Variants in UBE4B observed in about 807,000 individuals in gnomAD.
UBE4B encodes the protein ubiquitination factor E4B, also known as ubiquitin conjugation factor E4 B.
Under a neutral mutation model 148.1 loss-of-function variants are expected in UBE4B, and 27 were observed. The observed-to-expected ratio is 0.18, with a 90% CI of 0.13 to 0.25. The LOEUF (loss-of-function observed/expected upper bound fraction) is 0.25. Among genes scored for constraint, UBE4B ranks in the 10% least tolerant of loss-of-function variants. The pLI is 1.00. For synonymous variants in UBE4B, 596 were observed against 619.3 expected (o/e 0.96, Z 0.56); for missense variants, 1,170 against 1,662.4 (o/e 0.70, Z 5.15).
chr1:10,106,432 A>C lies in UBE4B; in HGVS notation c.1045A>C (p.Ser349Arg), dbSNP rs1322873106. ...GTCCTCAGGCGTCTCCATTCTGTCG[A>C]GCTCCCCAAGTCCCCCTGCCCTCGC... is the stretch of plus-strand genomic sequence containing the variant. ...WASSGVSILS[S>R]SPSPPALASS... The change falls in exon 7 of 28, where the codon AGC becomes CGC. Residue 349 changes from serine (S) to arginine (R), a missense_variant. Around this residue, in one of 6 missense-constraint regions of UBE4B, gnomAD observed 214 missense variants for 209.1 expected, o/e 1.02. Coordinates refer to ENST00000343090, the MANE Select transcript of UBE4B (RefSeq NM_001105562.3). This position sits in a 1 kb window ranked among gnomAD's most constrained non-coding sequence, Gnocchi z 4.2. The C allele has an allele frequency of 1.2e-6, 2 of 1,613,536 alleles. No homozygotes were observed. Among genetic ancestry groups the C allele is most frequent in the Middle Eastern group, 1.7e-4 (1 of 6,056 alleles).
At chr1:10,046,410 A>C (rs1643912729) in intron 1 of UBE4B, among the ~76,000 whole-genome samples, 1 of 152,178 alleles carries the variant, frequency 6.6e-6, no homozygotes, top group Admixed American at 6.6e-5. Context: ...CAAAGTTATC[A>C]GGGGCTCTGC....
intron 14 of UBE4B, among the ~76,000 whole-genome samples, chr1:10,131,694 A>T (rs1173127001): frequency 6.6e-6 from 1 of 152,046 alleles, no homozygotes; most frequent in Non-Finnish European, 1.5e-5. Context: ...AAACCTCGTC[A>T]CTGCTAAAAA....
intron 17 of UBE4B, among the ~76,000 whole-genome samples, chr1:10,144,113 G>T (rs977342008): frequency 1.3e-5 from 2 of 152,146 alleles, no homozygotes; most frequent in Non-Finnish European, 2.9e-5. Context: ...AGCCTATTAG[G>T]TGATGGGGAA....
At chr1:10,162,624 T>A (rs1646183207) in intron 23 of UBE4B, among the ~76,000 whole-genome samples, 1 of 150,406 alleles carries the variant, frequency 6.6e-6, no homozygotes, top group Non-Finnish European at 1.5e-5. Flanking sequence ...TTTTTTTTTT[T>A]CTTTTTTAAT....
At chr1:10,172,057 C>T (rs974836251) in intron 25 of UBE4B, among the ~76,000 whole-genome samples, 1 of 152,166 alleles carries the variant, frequency 6.6e-6, no homozygotes, top group African/African-American at 2.4e-5. Flanking sequence ...CTTTCCTAGT[C>T]TCCTGCTAGA....
chr1:10,158,527 C>A, intron 22 of UBE4B, 45 bp downstream of exon 22: 1 of 1,598,998 alleles, frequency 6.3e-7, no homozygotes, highest in South Asian at 1.1e-5. Context: ...TCTTGCAAAT[C>A]GCAGGTAGGA....
At chr1:10,129,687 C>A (rs752758580) in intron 12 of UBE4B, among the ~76,000 whole-genome samples, 1 of 152,108 alleles carries the variant, frequency 6.6e-6, no homozygotes, top group Non-Finnish European at 1.5e-5. Context: ...CACTCTGTCA[C>A]CCAGGCTGGA....
At chr1:10,118,731 C>T (rs892209283) in intron 8 of UBE4B, among the ~76,000 whole-genome samples, 2 of 151,358 alleles carry the variant, frequency 1.3e-5, no homozygotes, top group Non-Finnish European at 2.9e-5. Context: ...CTCTAACTCC[C>T]GACCTCATGT....
chr1:10,161,534 T>C lies in UBE4B; in HGVS notation c.3198+248T>C, dbSNP rs970134313. Among the ~76,000 whole-genome samples the C allele has an allele frequency of 2.0e-5, 3 of 152,230 alleles. No individual in the cohort carries two copies. The highest frequency in any genetic ancestry group is 2.9e-5 in the Non-Finnish European group (2 of 68,046). Reference sequence around the variant, plus strand: ...AAAACTTTCTCTGCCTTTTTAATTTTAAAGGGCTTTTTTGGAGATGAGCTT... The same window carrying C: ...AAAACTTTCTCTGCCTTTTTAATTTCAAAGGGCTTTTTTGGAGATGAGCTT... On this transcript the variant is annotated intron_variant, in intron 23 of 27. Coordinates refer to ENST00000343090, the MANE Select transcript of UBE4B (RefSeq NM_001105562.3). This position sits in a 1 kb window ranked among gnomAD's most constrained non-coding sequence, Gnocchi z 4.1.
chr1:10,180,216 A>T lies in UBE4B; in HGVS notation c.*260A>T. 1.9e-6 allele frequency: 1 copy of T among 516,904 alleles called. No homozygotes were observed. The highest frequency in any genetic ancestry group is 3.4e-6 in the Non-Finnish European group (1 of 290,754). The allele number at this position is 516,904 out of a possible 1,614,324, so 32.0% of individuals were successfully genotyped here. On this transcript the variant is annotated 3_prime_UTR_variant, in exon 28 of 28. Coordinates refer to ENST00000343090, the MANE Select transcript of UBE4B (RefSeq NM_001105562.3). ...TTTATGGTTGCTTGTGTAATAAAGC[A>T]TGTCCTTCGTATGTCACAGTTTGGG...
At chr1:10,053,949 A>G (rs1314366915) in intron 1 of UBE4B, among the ~76,000 whole-genome samples, 1 of 152,160 alleles carries the variant, frequency 6.6e-6, no homozygotes, top group East Asian at 1.9e-4. Context: ...GGCCTCCCAA[A>G]GTGCTGGGAT....
At chr1:10,177,291 G>A (rs1328321948) in intron 25 of UBE4B, among the ~76,000 whole-genome samples, 2 of 151,760 alleles carry the variant, frequency 1.3e-5, no homozygotes, top group Non-Finnish European at 2.9e-5. Flanking sequence ...AGGCCAAGGT[G>A]GGCAGATCAC....
intron 14 of UBE4B, 78 bp downstream of exon 14, chr1:10,130,891 A>G (rs1480171362): frequency 7.7e-7 from 1 of 1,292,656 alleles, no homozygotes; most frequent in Non-Finnish European, 1.1e-6. Context: ...TGTAGACTGG[A>G]CTATGCCCAG....
intron 10 of UBE4B, among the ~76,000 whole-genome samples, chr1:10,126,286 C>T (rs1645492340): frequency 1.3e-5 from 2 of 150,156 alleles, no homozygotes; most frequent in African/African-American, 2.5e-5. Context: ...GGTGACAGAG[C>T]GAGACTCCGT....
At chr1:10,041,409 AC>A (rs1236713740) in intron 1 of UBE4B, among the ~76,000 whole-genome samples, 1 of 144,372 alleles carries the variant, frequency 6.9e-6, no homozygotes, top group African/African-American at 2.6e-5. Context: ...ATCTCGGCTC[AC>A]TGCAACCTCT....
chr1:10,175,376 G>T (rs1053526282), intron 25 of UBE4B, among the ~76,000 whole-genome samples: 1 of 152,142 alleles, frequency 6.6e-6, no homozygotes, highest in Admixed American at 6.6e-5. Flanking sequence ...AAATAGCCGG[G>T]TGCAGTGGCT....
intron 2 of UBE4B, among the ~76,000 whole-genome samples, chr1:10,093,873 T>G (rs114110191): frequency 0.012 from 1,765 of 152,044 alleles, 30 homozygotes; most frequent in African/African-American, 0.04. Flanking sequence ...TTTTGTATTT[T>G]AACTAGAAAC....
chr1:10,112,584 G>T (rs934108959), intron 7 of UBE4B, among the ~76,000 whole-genome samples: 10 of 152,118 alleles, frequency 6.6e-5, no homozygotes, highest in Admixed American at 6.5e-4. Flanking sequence ...ATTTTTAGTA[G>T]AGACAGGATT....
intron 24 of UBE4B, among the ~76,000 whole-genome samples, chr1:10,169,843 C>T (rs1199281170): frequency 1.3e-5 from 2 of 152,106 alleles, no homozygotes; most frequent in African/African-American, 4.8e-5. Context: ...GGCGAAACCC[C>T]GTCTCTACTA....
Sources: gnomAD v4.1 joint callset for allele counts (sites outside exome capture counted in the v4.1 genomes callset) on GRCh38, gnomAD v4.1.1 for gene constraint, gnomAD v4.1.1 regional missense constraint, Gnocchi (gnomAD v3.1) non-coding constraint, MANE v1.5 for transcripts, NCBI Gene and HGNC (gene_info 2026-07-23, HGNC 2026-07-21) for gene names.